The following USO1 variants were observed in gnomAD, a reference collection of about 807,000 sequenced individuals.
USO1 encodes the protein general vesicular transport factor p115.
Under a neutral mutation model 124.5 loss-of-function variants are expected in USO1, and 57 were observed. The ratio of observed to expected loss-of-function variants is 0.46; its 90% CI spans 0.37 to 0.57. The LOEUF (loss-of-function observed/expected upper bound fraction) is 0.57, where lower values mean the gene tolerates loss of function less well. Ranked by LOEUF, USO1 falls within the 20% of genes least tolerant of loss-of-function variation. The pLI, the probability that USO1 is intolerant of heterozygous loss-of-function variation, is 0.00. For synonymous variants in USO1, 369 were observed against 362.8 expected, an observed-to-expected ratio of 1.02 and a Z score of -0.19; for missense variants, 900 against 1,040.6, an observed-to-expected ratio of 0.86 and a Z score of 1.86.
chr4:75,773,324 A>G (rs1265059848), intron 7 of USO1, among the ~76,000 whole-genome samples: 2 of 150,268 alleles, frequency 1.3e-5, no homozygotes, highest in Admixed American at 1.3e-4. Context: ...CCTTTTTTTT[A>G]TTTTAATAAA....
intron 8 of USO1, among the ~76,000 whole-genome samples, chr4:75,780,640 C>CT (rs71210204): frequency 0.099 from 5,863 of 59,072 alleles, 884 homozygotes; most frequent in South Asian, 0.21. Flanking sequence ...TAAATTTTGA[C>CT]TTTTTTTTTT....
intron 12 of USO1, among the ~76,000 whole-genome samples, chr4:75,793,142 A>C (rs1482106875): frequency 6.6e-6 from 1 of 151,162 alleles, no homozygotes; most frequent in Non-Finnish European, 1.5e-5. Flanking sequence ...TCTTTCTGAA[A>C]TACTTCTGGT....
At chr4:75,780,244 T>C (rs548354619) in intron 8 of USO1, among the ~76,000 whole-genome samples, 1 of 152,254 alleles carries the variant, frequency 6.6e-6, no homozygotes, top group African/African-American at 2.4e-5. Flanking sequence ...AGAGCTCTGA[T>C]GGAGATGTAA....
Position 75,793,644 on chromosome 4 carries a change from C to T in USO1, c.1241-46C>T, listed in dbSNP as rs377671725. On this transcript the variant is annotated intron_variant, in intron 12 of 23. Coordinates refer to ENST00000514213, the MANE Select transcript of USO1 (RefSeq NM_003715.4). ...AACAATTTATTTAAAATTTGGTTTA[C>T]GTCAAAATCTAATATATTTTTATTG... The T allele has an allele frequency of 2.0e-5, 31 of 1,549,210 alleles. No homozygotes were observed. The African/African-American group carries it at 2.6e-4, about 13-fold the overall frequency.
rs151085367 is a variant in USO1 at position 75,772,268 on chromosome 4, G to C, written c.555+1131G>C. ...ACATTTTTTTTTGAGATGGAGTCTA[G>C]CTCTGTCACCCAGGCTGGAGTGCAG... On this transcript the variant is annotated intron_variant, in intron 7 of 23. Transcript: ENST00000514213. Among the ~76,000 whole-genome samples the C allele has an allele frequency of 9.2e-5, 14 of 152,136 alleles. No individual in the cohort carries two copies. In the East Asian group the frequency reaches 2.3e-3, roughly 25 times the overall value.
At chr4:75,768,219 T>C (rs1721823525) in intron 4 of USO1, among the ~76,000 whole-genome samples, 1 of 152,134 alleles carries the variant, frequency 6.6e-6, no homozygotes, top group African/African-American at 2.4e-5. Context: ...TCTCACTATG[T>C]TGCCCAGGCT....
chr4:75,783,134 A>T (rs983247928), intron 9 of USO1, among the ~76,000 whole-genome samples: 1 of 152,154 alleles, frequency 6.6e-6, no homozygotes, highest in African/African-American at 2.4e-5. Context: ...CAGTTTCCTG[A>T]TGGGTTTTAC....
At chr4:75,734,719 T>TTC (rs1720738971) in intron 1 of USO1, among the ~76,000 whole-genome samples, 1 of 38,944 alleles carries the variant, frequency 2.6e-5, no homozygotes, top group Non-Finnish European at 4.7e-5. Flanking sequence ...GCAGTATGGC[T>TTC]TTTTTTTTTT....
chr4:75,758,320 CATT>C (rs1721501322), intron 4 of USO1, among the ~76,000 whole-genome samples: 1 of 152,068 alleles, frequency 6.6e-6, no homozygotes, highest in Non-Finnish European at 1.5e-5. Context: ...GTAGATTTTT[CATT>C]ATTCTGTAAA....
At chr4:75,775,783 G>A (rs970565545) in intron 8 of USO1, among the ~76,000 whole-genome samples, 7 of 152,040 alleles carry the variant, frequency 4.6e-5, no homozygotes, top group Non-Finnish European at 1.0e-4. Flanking sequence ...TGGAAGAAAC[G>A]AAAATCTCTA....
intron 4 of USO1, among the ~76,000 whole-genome samples, chr4:75,766,782 C>T (rs1422339853): frequency 6.6e-6 from 1 of 152,178 alleles, no homozygotes; most frequent in Non-Finnish European, 1.5e-5. Flanking sequence ...CAGAGTTAGG[C>T]TACTTGCCCA....
At chr4:75,726,053 C>T (rs1033635919) in intron 1 of USO1, among the ~76,000 whole-genome samples, 21 of 151,930 alleles carry the variant, frequency 1.4e-4, no homozygotes, top group African/African-American at 5.1e-4. Flanking sequence ...AGGCTGAGGC[C>T]GGCGGATCAC....
At chr4:75,781,154 C>T (rs773509232) in intron 8 of USO1, among the ~76,000 whole-genome samples, 2 of 152,048 alleles carry the variant, frequency 1.3e-5, no homozygotes, top group Non-Finnish European at 1.5e-5. Context: ...TTGATTCCGG[C>T]AACCCTCATG....
intron 1 of USO1, among the ~76,000 whole-genome samples, chr4:75,733,504 T>G (rs977059399): frequency 3.2e-4 from 49 of 152,318 alleles, no homozygotes; most frequent in African/African-American, 1.0e-3. Context: ...GTCTTTTTAA[T>G]AATAGTCATT....
chr4:75,730,127 A>G (rs1028149154), intron 1 of USO1: 1 of 216,642 alleles, frequency 4.6e-6, no homozygotes, highest in South Asian at 5.6e-5. Flanking sequence ...TCATTTCTAT[A>G]TCGAAGCACT....
chr4:75,775,718 T>C (rs1722055285), intron 8 of USO1, among the ~76,000 whole-genome samples: 1 of 152,106 alleles, frequency 6.6e-6, no homozygotes. Flanking sequence ...GAAGGTGCTA[T>C]GAAAAGACAG....
At chr4:75,730,788 A>G (rs1214396781) in intron 1 of USO1, among the ~76,000 whole-genome samples, 2 of 152,040 alleles carry the variant, frequency 1.3e-5, no homozygotes, top group African/African-American at 4.8e-5. Context: ...TTTTTGTGTC[A>G]AAAGTTATTC....
At chr4:75,744,757 G>A (rs1445187744) in intron 1 of USO1, 1 of 265,278 alleles carries the variant, frequency 3.8e-6, no homozygotes, top group Non-Finnish European at 7.5e-6. Flanking sequence ...AGTAATATCT[G>A]AATACATGAT....
intron 7 of USO1, among the ~76,000 whole-genome samples, chr4:75,773,731 C>T (rs1480439785): frequency 6.6e-6 from 1 of 152,156 alleles, no homozygotes; most frequent in African/African-American, 2.4e-5. Flanking sequence ...TCACCTTTTT[C>T]TCTCATATTA....
Sources: gnomAD v4.1 joint callset for allele counts (sites outside exome capture counted in the v4.1 genomes callset) on GRCh38, gnomAD v4.1.1 for gene constraint, MANE v1.5 for transcripts, NCBI Gene and HGNC (gene_info 2026-07-23, HGNC 2026-07-21) for gene names.